The following JAG1 variants were observed in gnomAD, a reference collection of about 807,000 sequenced individuals.
JAG1 encodes the protein jagged canonical Notch ligand 1, also known as protein jagged-1.
JAG1 carries 23 observed loss-of-function variants against 148.7 expected under a neutral mutation model. The observed-to-expected ratio is 0.15, with a 90% CI of 0.11 to 0.22. The LOEUF is 0.22. JAG1 is among the 10% of genes least tolerant of loss of function. The pLI is 1.00. For missense variants in JAG1, 1,054 were observed against 1,611.2 expected (o/e 0.65, Z 5.92); for synonymous variants, 572 against 598.3 (o/e 0.96, Z 0.64).
Position 10,639,450 on chromosome 20 carries a change from A to T in JAG1, c.*48T>A. On this transcript the variant is annotated 3_prime_UTR_variant, in exon 26 of 26. Coordinates refer to ENST00000254958, the MANE Select transcript of JAG1 (RefSeq NM_000214.3). ...CGAGTATGACACGACAGTTTAAAGAACTACAAGCCCTCAGACTCTACCTAG... is the reference window on the plus strand; with the variant it reads ...CGAGTATGACACGACAGTTTAAAGATCTACAAGCCCTCAGACTCTACCTAG... 3 of 1,504,162 alleles carry T rather than the reference A, an allele frequency of 2.0e-6. No homozygotes were observed. The highest frequency in any genetic ancestry group is 1.9e-6 in the Non-Finnish European group (2 of 1,079,610). 93.2% of individuals were successfully genotyped at this position (1,504,162 alleles called of 1,614,324 possible).
chr20:10,660,036 T>C (rs1046931240), intron 3 of JAG1, among the ~76,000 whole-genome samples: 3 of 152,240 alleles, frequency 2.0e-5, no homozygotes, highest in East Asian at 3.8e-4. Context: ...TTCAAGACCA[T>C]CTTGGAGAGA....
At chr20:10,664,407 C>CACACACACA (rs2067438680) in intron 2 of JAG1, among the ~76,000 whole-genome samples, 2 of 149,516 alleles carry the variant, frequency 1.3e-5, no homozygotes, top group Non-Finnish European at 2.9e-5. Context: ...CACACACACA[C>CACACACACA]ACACAAAGAA....
rs2067355618 is a variant in JAG1 at position 10,652,775 on chromosome 20, G to A, written c.756-177C>T. On this transcript the variant is annotated intron_variant, in intron 5 of 25. Transcript: ENST00000254958. ...AAACAAACATTTTCACAGTTGAGCTGAGGTCCCCTCCCAGCCGACTCCTGA... is the reference window on the plus strand; with the variant it reads ...AAACAAACATTTTCACAGTTGAGCTAAGGTCCCCTCCCAGCCGACTCCTGA... The A allele has an allele frequency of 5.1e-6, 3 of 593,436 alleles. No individual in the cohort carries two copies. In the African/African-American group the frequency reaches 5.6e-5, roughly 11 times the overall value. 36.8% of individuals were successfully genotyped at this position (593,436 alleles called of 1,614,324 possible).
intron 12 of JAG1, among the ~76,000 whole-genome samples, chr20:10,648,336 A>G (rs896868870): frequency 3.0e-4 from 45 of 152,174 alleles, no homozygotes; most frequent in Non-Finnish European, 5.6e-4. Flanking sequence ...GAGGGAACCA[A>G]AAAGAACACA....
chr20:10,664,602 G>A (rs1054675401), intron 2 of JAG1, among the ~76,000 whole-genome samples: 1 of 152,124 alleles, frequency 6.6e-6, no homozygotes, highest in Non-Finnish European at 1.5e-5. Context: ...GAAACAGGAG[G>A]GGGTAGATGC....
chr20:10,646,820 G>A (rs62185091), intron 14 of JAG1, 119 bp downstream of exon 14: 44 of 985,972 alleles, frequency 4.5e-5, no homozygotes, highest in Non-Finnish European at 6.4e-5. Flanking sequence ...AGCGAAATTC[G>A]GTCTCAAAAA....
At chr20:10,672,604 GC>G (rs2067504023) in intron 2 of JAG1, 96 bp downstream of exon 2, 1 of 1,269,554 alleles carries the variant, frequency 7.9e-7, no homozygotes, top group East Asian at 2.5e-5. Flanking sequence ...CTAGTTTCAA[GC>G]CAAAGCCCTT....
chr20:10,656,903 T>C, intron 4 of JAG1, among the ~76,000 whole-genome samples: 1 of 133,070 alleles, frequency 7.5e-6, no homozygotes, highest in Admixed American at 7.4e-5. Flanking sequence ...AAACAACCCA[T>C]ACCAAATGCC....
At chr20:10,667,679 T>TA (rs2067464332) in intron 2 of JAG1, among the ~76,000 whole-genome samples, 1 of 152,080 alleles carries the variant, frequency 6.6e-6, no homozygotes, top group South Asian at 2.1e-4. Flanking sequence ...CCGATCTGGT[T>TA]ACAAAGGGTG....
intron 19 of JAG1, 138 bp from the exon 20 acceptor site, chr20:10,644,001 C>T (rs923380171): frequency 3.5e-5 from 26 of 739,702 alleles, no homozygotes; most frequent in Non-Finnish European, 5.7e-5. Flanking sequence ...TAAAAGAATA[C>T]TGATGCCTGG....
At chr20:10,671,821 G>A (rs555438313) in intron 2 of JAG1, among the ~76,000 whole-genome samples, 1 of 152,318 alleles carries the variant, frequency 6.6e-6, no homozygotes, top group East Asian at 1.9e-4. Context: ...AGCTGGGCCC[G>A]GGCCTCGAGC....
chr20:10,650,897 C>A (rs1231773587), intron 8 of JAG1: 1 of 164,862 alleles, frequency 6.1e-6, no homozygotes, highest in East Asian at 1.7e-4. Context: ...TGCTACTGTG[C>A]CATTTAAAGA....
At position 10,652,119 on chromosome 20, in the gene JAG1, T is replaced by C. The variant is rs1292325243; in HGVS notation, c.1006+12A>G. The C allele has an allele frequency of 1.2e-6, 2 of 1,613,878 alleles. No homozygotes were observed. ...TTAGACAAAGGGCTCTCATTCATCTTGGACCACTTACCAATTTCACAGTTG... is the reference window on the plus strand; with the variant it reads ...TTAGACAAAGGGCTCTCATTCATCTCGGACCACTTACCAATTTCACAGTTG... On this transcript the variant is annotated intron_variant, in intron 7 of 25. Transcript: ENST00000254958.
chr20:10,664,055 T>C, intron 2 of JAG1, 41 bp from the exon 3 acceptor site: 1 of 1,561,770 alleles, frequency 6.4e-7, no homozygotes, highest in East Asian at 2.2e-5. Flanking sequence ...AGAAACAGGG[T>C]CGACTTTCCA....
chr20:10,647,020 G>T lies in JAG1; in HGVS notation c.1804C>A (p.His602Asn), dbSNP rs373466102. ...RYISSNVCGP[H>N]GKCKSQSGGK... ...CCCGACTGACTCTTGCACTTCCCGT[G>T]AGGACCACAGACGTTGGAGGAAATA... Residue 602 changes from histidine to asparagine, a missense_variant, in exon 14 of 26, where the codon CAC becomes AAC. By Grantham distance (68) the His-to-Asn change is moderately conservative. This residue lies in a region of JAG1 where 245 missense variants were observed against 373.1 expected (regional missense o/e 0.66). Transcript: ENST00000254958. 1.2e-6 allele frequency: 2 copies of T among 1,614,194 alleles called. No individual in the cohort carries two copies. Among genetic ancestry groups the T allele is most frequent in the Non-Finnish European group, 8.5e-7 (1 of 1,180,028 alleles).
At position 10,646,062 on chromosome 20, in the gene JAG1, G is replaced by T; in HGVS notation, c.1908C>A (p.Asn636Lys). ...CHENINDCES[N>K]PCRNGGTCID... The stretch of plus-strand genomic sequence containing the variant: ...TGCAAGTGCCACCGTTTCTACAAGG[G>T]TTGCTCTCACAGTCATTAATATCTA... Residue 636 changes from asparagine (N) to lysine (K), a missense_variant, in exon 15 of 26, where the codon AAC becomes AAA. Asn to Lys is a moderately conservative substitution (Grantham distance 94). Coordinates refer to ENST00000254958, the MANE Select transcript of JAG1 (RefSeq NM_000214.3). 1 of 1,613,546 alleles carries T rather than the reference G, an allele frequency of 6.2e-7. No individual in the cohort carries two copies.
At chr20:10,644,500 C>T in intron 18 of JAG1, 116 bp from the exon 19 acceptor site, 2 of 810,882 alleles carry the variant, frequency 2.5e-6, no homozygotes, top group Non-Finnish European at 4.3e-6. Context: ...TAGTTAACAC[C>T]AGCAAAATAC....
chr20:10,653,328 G>C (rs1048923013), intron 5 of JAG1, among the ~76,000 whole-genome samples: 1 of 147,800 alleles, frequency 6.8e-6, no homozygotes, highest in African/African-American at 2.5e-5. Flanking sequence ...GCGGAGTTGA[G>C]GTTCTTTTAT....
rs930247415 is a variant in JAG1, at chr20:10,672,709, C to A, written c.379G>T (p.Ala127Ser). Reference protein sequence around the residue: ...RNRIVLPFSFAWPRSYTLLVE... With the variant: ...RNRIVLPFSFSWPRSYTLLVE... ...CCCGAGTAGTCACTCACCGGCCAGG[C>A]GAAACTGAAAGGCAGCACGATGCGG... The change falls in exon 2 of 26, where the codon GCC becomes TCC. Residue 127 changes from alanine (A) to serine (S), a missense_variant. Ala to Ser is a moderately conservative substitution (Grantham distance 99). Coordinates refer to ENST00000254958, the MANE Select transcript of JAG1 (RefSeq NM_000214.3). 6.2e-7 allele frequency: 1 copy of A among 1,612,792 alleles called. No homozygotes were observed.
Sources: allele counts gnomAD v4.1 joint callset (sites outside exome capture counted in the v4.1 genomes callset), GRCh38; gene constraint gnomAD v4.1.1; regional missense constraint gnomAD v4.1.1; transcripts MANE v1.5; gene names NCBI Gene and HGNC (gene_info 2026-07-23, HGNC 2026-07-21).